NR2E1: variants seen among roughly 807,000 people sequenced by gnomAD.
NR2E1 encodes the protein nuclear receptor subfamily 2 group E member 1.
In NR2E1, 5 loss-of-function variants were observed where a neutral mutation model predicts 43.6. That is an observed-to-expected ratio of 0.11 (90% confidence interval 0.06 to 0.24). The LOEUF (loss-of-function observed/expected upper bound fraction) is 0.24. Among genes scored for constraint, NR2E1 ranks in the 10% least tolerant of loss-of-function variants. The pLI, the probability that NR2E1 is intolerant of heterozygous loss-of-function variation, is 1.00. For synonymous variants in NR2E1, 191 were observed against 195.5 expected, an observed-to-expected ratio of 0.98 and a Z score of 0.19; for missense variants, 287 against 496.7, an observed-to-expected ratio of 0.58 and a Z score of 4.01.
At chr6:108,181,505 T>C in intron 7 of NR2E1, 41 bp from the exon 8 acceptor site, 2 of 1,546,452 alleles carry the variant, frequency 1.3e-6, no homozygotes, top group Admixed American at 1.7e-5. Flanking sequence ...CAGATGCAAT[T>C]TCTATGCTGT....
At chr6:108,172,878 C>A (rs1339514450) in intron 2 of NR2E1, among the ~76,000 whole-genome samples, 1 of 152,198 alleles carries the variant, frequency 6.6e-6, no homozygotes, top group Non-Finnish European at 1.5e-5. Flanking sequence ...CTAGCTTCAC[C>A]ATATGGACAC....
intron 1 of NR2E1, chr6:108,168,269 T>C (rs1184401404): frequency 8.3e-7 from 1 of 1,205,564 alleles, no homozygotes; most frequent in Non-Finnish European, 1.1e-6. Context: ...TTGCAAAAAC[T>C]GAAGCCCGTG....
At chr6:108,183,491 G>A (rs536524660) in intron 8 of NR2E1, among the ~76,000 whole-genome samples, 2 of 152,254 alleles carry the variant, frequency 1.3e-5, no homozygotes, top group South Asian at 2.1e-4. Context: ...TCTCTAGGCT[G>A]ATTTGAAAGG....
chr6:108,167,091 G>C (rs1488057040), intron 1 of NR2E1, among the ~76,000 whole-genome samples: 5 of 152,030 alleles, frequency 3.3e-5, no homozygotes, highest in African/African-American at 1.2e-4. Flanking sequence ...GGTGCTGGAT[G>C]GGGGGGCCAT....
chr6:108,173,530 TC>T (rs1228563399), intron 2 of NR2E1, among the ~76,000 whole-genome samples: 2 of 152,226 alleles, frequency 1.3e-5, no homozygotes, highest in Non-Finnish European at 2.9e-5. Flanking sequence ...AAATAAATCA[TC>T]ATAATTTAAA....
chr6:108,178,288 C>T, intron 5 of NR2E1, 47 bp downstream of exon 5: 4 of 1,604,568 alleles, frequency 2.5e-6, no homozygotes, highest in Non-Finnish European at 3.4e-6. Flanking sequence ...GGGAAAGAAG[C>T]AGTAGCACTC....
At chr6:108,176,921 C>G (rs1016436574) in intron 4 of NR2E1, among the ~76,000 whole-genome samples, 183 bp downstream of exon 4, 3 of 152,222 alleles carry the variant, frequency 2.0e-5, no homozygotes, top group African/African-American at 7.2e-5. Context: ...GGTGCTCAAA[C>G]TTGAGTGTAC....
chr6:108,176,586 G>T lies in NR2E1; in HGVS notation c.343G>T (p.Gly115Trp). 2 of 1,612,924 alleles carry T rather than the reference G, an allele frequency of 1.2e-6. No homozygotes were observed. Among genetic ancestry groups the T allele is most frequent in the Non-Finnish European group, 1.7e-6 (2 of 1,179,950 alleles). The part of the protein sequence containing the change: ...LYFRGHKEEN[G>W]AAAHFPSAAL... ...CTTCCGTGGACACAAGGAGGAGAAC[G>T]GGGCCGCCGCGCACTTTCCCTCGGC... The change falls in exon 4 of 9, where the codon GGG becomes TGG. Residue 115 changes from glycine to tryptophan, a missense_variant. This residue lies in a region of NR2E1 where 119 missense variants were observed against 155.7 expected (regional missense o/e 0.76). Transcript: ENST00000368986.
rs758556879 is a variant in NR2E1, at chr6:108,171,635, C to T, written c.171+32C>T. 26 of 1,612,986 alleles carry T rather than the reference C, an allele frequency of 1.6e-5. No individual in the cohort carries two copies. The Admixed American group carries it at 3.5e-4, about 22-fold the overall frequency. The stretch of plus-strand genomic sequence containing the variant: ...TAGCCAGGGCTGCACTGCTGGGCTC[C>T]GCTCTGCTGCCTCCTCACTCTTTTG... On this transcript the variant is annotated intron_variant, in intron 2 of 8. Transcript: ENST00000368986.
At position 108,180,700 on chromosome 6, in the gene NR2E1, A is replaced by G. The variant is rs1773969821; in HGVS notation, c.740-107A>G. On this transcript the variant is annotated intron_variant, in intron 6 of 8. Coordinates refer to ENST00000368986, the MANE Select transcript of NR2E1 (RefSeq NM_003269.5). This position sits in a 1 kb window ranked among gnomAD's most constrained non-coding sequence, Gnocchi z 5.4. ...CGGTTTACATGGAATCAGATATCTT[A>G]GAGTGACAATTGAATAGATATTGAT... is the stretch of plus-strand genomic sequence containing the variant. 5.7e-6 allele frequency: 6 copies of G among 1,054,136 alleles called. No homozygotes were observed. Among genetic ancestry groups the G allele is most frequent in the Non-Finnish European group, 7.3e-6 (5 of 688,430 alleles). The allele number at this position is 1,054,136 out of a possible 1,614,324, so 65.3% of individuals were successfully genotyped here. A position where few individuals can be genotyped will look rare whatever the true frequency, so the allele number is the denominator to read the frequency against.
At chr6:108,173,371 G>A (rs557967077) in intron 2 of NR2E1, among the ~76,000 whole-genome samples, 2 of 152,204 alleles carry the variant, frequency 1.3e-5, no homozygotes, top group South Asian at 4.1e-4. Context: ...TATTACATTG[G>A]CCAGCAAAGA....
chr6:108,175,055 CG>C, intron 3 of NR2E1, 132 bp downstream of exon 3: 1 of 840,532 alleles, frequency 1.2e-6, no homozygotes, highest in South Asian at 1.4e-5. Flanking sequence ...GAATTGGCCT[CG>C]GGCTTTCAGT....
intron 8 of NR2E1, among the ~76,000 whole-genome samples, chr6:108,181,962 G>T (rs1432642622): frequency 6.6e-6 from 1 of 152,184 alleles, no homozygotes; most frequent in Non-Finnish European, 1.5e-5. Flanking sequence ...CCTAGGCTGG[G>T]CACAGTGGCT....
intron 8 of NR2E1, among the ~76,000 whole-genome samples, chr6:108,182,019 C>T (rs1041289400): frequency 2.0e-5 from 3 of 152,036 alleles, no homozygotes; most frequent in Admixed American, 6.6e-5. Flanking sequence ...GGGTGGATCA[C>T]GAGGTCAGAA....
chr6:108,177,197 G>C (rs1773914086), intron 4 of NR2E1, among the ~76,000 whole-genome samples: 1 of 152,236 alleles, frequency 6.6e-6, no homozygotes, highest in Admixed American at 6.5e-5. Context: ...ATCTTGGCAT[G>C]TATGATCTTG....
At chr6:108,171,699 G>A (rs1773814863) in intron 2 of NR2E1, 96 bp downstream of exon 2, 1 of 1,505,904 alleles carries the variant, frequency 6.6e-7, no homozygotes, top group African/African-American at 1.4e-5. Context: ...ACGCAGTTGA[G>A]GAGAGACCCG....
intron 2 of NR2E1, 121 bp downstream of exon 2, chr6:108,171,724 C>A: frequency 8.0e-7 from 1 of 1,243,058 alleles, no homozygotes; most frequent in Non-Finnish European, 1.2e-6. Flanking sequence ...TGACCTCTCC[C>A]TTCCTCTCCC....
chr6:108,167,286 A>G (rs1175090729), intron 1 of NR2E1, among the ~76,000 whole-genome samples: 1 of 152,120 alleles, frequency 6.6e-6, no homozygotes, highest in Non-Finnish European at 1.5e-5. Context: ...TAAAAGTCAC[A>G]TTTTCCTTAA....
chr6:108,187,598 T>C lies in NR2E1; in HGVS notation c.*135T>C, dbSNP rs766482839. The C allele has an allele frequency of 6.1e-5, 61 of 999,446 alleles. No individual in the cohort carries two copies. The highest frequency in any genetic ancestry group is 8.1e-5 in the Non-Finnish European group (52 of 643,966). The allele number at this position is 999,446 out of a possible 1,614,324, so 61.9% of individuals were successfully genotyped here. ...GTAGCCTTCAGGAAAAAAATGCCAA[T>C]TGACACAAAGCATTCCAGTAGCTAT... On this transcript the variant is annotated 3_prime_UTR_variant, in exon 9 of 9. Transcript: ENST00000368986.
Sources: allele counts gnomAD v4.1 joint callset (sites outside exome capture counted in the v4.1 genomes callset), GRCh38; gene constraint gnomAD v4.1.1; regional missense constraint gnomAD v4.1.1; non-coding constraint Gnocchi (gnomAD v3.1); transcripts MANE v1.5; gene names NCBI Gene and HGNC (gene_info 2026-07-23, HGNC 2026-07-21).